SLC22A23: variants seen among roughly 807,000 people sequenced by gnomAD.
The protein encoded by SLC22A23 is solute carrier family 22 member 23.
In SLC22A23, 26 loss-of-function variants were observed where a neutral mutation model predicts 61.0. The observed-to-expected ratio is 0.43, with a 90% confidence interval of 0.31 to 0.59. The LOEUF (loss-of-function observed/expected upper bound fraction) is 0.59. SLC22A23 is among the 20% of genes least tolerant of loss of function. The pLI, the probability that SLC22A23 is intolerant of heterozygous loss-of-function variation, is 0.11. For missense variants in SLC22A23, 796 were observed against 934.7 expected (o/e 0.85, Z 1.94); for synonymous variants, 430 against 413.9 (o/e 1.04, Z -0.47).
At chr6:3,455,581 A>G (rs1025743450) in intron 1 of SLC22A23, among the ~76,000 whole-genome samples, 2 of 152,230 alleles carry the variant, frequency 1.3e-5, no homozygotes, top group Non-Finnish European at 2.9e-5. Context: ...CTCCCCCAGC[A>G]GACCTTGAAC....
At chr6:3,379,842 A>C (rs1047538252) in intron 3 of SLC22A23, among the ~76,000 whole-genome samples, 1 of 152,218 alleles carries the variant, frequency 6.6e-6, no homozygotes, top group Non-Finnish European at 1.5e-5. Context: ...GGGGCTTCAA[A>C]GGGTTCCTGT....
In SLC22A23 at chr6:3,283,947, A is replaced by G; in HGVS notation, c.1608T>C (p.Phe536=). 4 of 1,607,716 alleles carry G rather than the reference A, an allele frequency of 2.5e-6. No individual in the cohort carries two copies. The highest frequency in any genetic ancestry group is 3.4e-6 in the Non-Finnish European group (4 of 1,174,736). The change falls in exon 9 of 10, where the codon TTT becomes TTC. Residue 536 remains phenylalanine (F), a synonymous_variant. Transcript: ENST00000406686. ...SGMSDSVKDK[F]SIAFSIVGMF... ...TGCCCACGATGGAAAACGCGATGGAAAATTTGTCCTTGACGCTGTCACTCA... is the reference window on the plus strand; with the variant it reads ...TGCCCACGATGGAAAACGCGATGGAGAATTTGTCCTTGACGCTGTCACTCA...
chr6:3,346,302 A>G (rs1764434274), intron 3 of SLC22A23, among the ~76,000 whole-genome samples: 1 of 152,060 alleles, frequency 6.6e-6, no homozygotes, highest in Admixed American at 6.6e-5. Context: ...CTGAAGCTGC[A>G]ATCACCCCTG....
intron 1 of SLC22A23, among the ~76,000 whole-genome samples, chr6:3,448,538 A>G (rs553703005): frequency 4.9e-4 from 75 of 151,954 alleles, no homozygotes; most frequent in African/African-American, 1.7e-3. Flanking sequence ...TGTCCCCCAG[A>G]CAGTTAGTGC....
chr6:3,323,007 C>T (rs1351632705), intron 4 of SLC22A23, among the ~76,000 whole-genome samples: 1 of 152,002 alleles, frequency 6.6e-6, no homozygotes, highest in East Asian at 1.9e-4. Flanking sequence ...TCTCTCTATC[C>T]GTGGAGCAGT....
intron 2 of SLC22A23, among the ~76,000 whole-genome samples, chr6:3,412,328 A>G (rs1228798686): frequency 6.6e-6 from 1 of 152,208 alleles, no homozygotes; most frequent in Non-Finnish European, 1.5e-5. Flanking sequence ...TGAATCCAGG[A>G]TCACCACTTC....
At chr6:3,452,613 A>G (rs1330010762) in intron 1 of SLC22A23, among the ~76,000 whole-genome samples, 1 of 19,354 alleles carries the variant, frequency 5.2e-5, no homozygotes, top group Non-Finnish European at 1.2e-4. Flanking sequence ...AAAAAAAAAA[A>G]AAAAAAAAAA....
intron 2 of SLC22A23, among the ~76,000 whole-genome samples, chr6:3,411,899 T>C (rs118046225): frequency 1.9e-3 from 283 of 152,336 alleles, no homozygotes; most frequent in East Asian, 0.017. Context: ...GCTGATTTTG[T>C]CCAAATCTAA....
intron 1 of SLC22A23, among the ~76,000 whole-genome samples, chr6:3,451,337 G>C (rs1772147094): frequency 6.6e-6 from 1 of 152,240 alleles, no homozygotes; most frequent in South Asian, 2.1e-4. Flanking sequence ...GCTGGGATTA[G>C]AGGCGTGCGC....
intron 3 of SLC22A23, among the ~76,000 whole-genome samples, chr6:3,371,426 G>A (rs541802916): frequency 6.6e-6 from 1 of 152,314 alleles, no homozygotes; most frequent in Non-Finnish European, 1.5e-5. Context: ...AAAACATTGA[G>A]CTTTTGATTT....
In SLC22A23 at chr6:3,283,949, A is replaced by G. The variant is rs756072375; in HGVS notation, c.1606T>C (p.Phe536Leu). ...CCCACGATGGAAAACGCGATGGAAA[A>G]TTTGTCCTTGACGCTGTCACTCATC... is the stretch of plus-strand genomic sequence containing the variant. Reference protein sequence around the residue: ...SGMSDSVKDKFSIAFSIVGMF... With the variant: ...SGMSDSVKDKLSIAFSIVGMF... Residue 536 changes from phenylalanine to leucine, a missense_variant, in exon 9 of 10, where the codon TTT (phenylalanine) becomes CTT (leucine). Transcript: ENST00000406686. The G allele has an allele frequency of 1.9e-6, 3 of 1,607,680 alleles. No homozygotes were observed. The highest frequency in any genetic ancestry group is 1.7e-6 in the Non-Finnish European group (2 of 1,174,714).
At chr6:3,450,873 T>G (rs897825608) in intron 1 of SLC22A23, among the ~76,000 whole-genome samples, 2 of 152,256 alleles carry the variant, frequency 1.3e-5, no homozygotes, top group Admixed American at 1.3e-4. Flanking sequence ...AATGATATAA[T>G]TATTTCTAGT....
chr6:3,447,583 C>CT (rs757788904), intron 1 of SLC22A23, among the ~76,000 whole-genome samples: 51,035 of 113,422 alleles, frequency 0.45, 12,838 homozygotes, highest in South Asian at 0.66. Context: ...AAGAAACTTT[C>CT]TTTTTTTTTT....
At chr6:3,389,907 G>A (rs1179138161) in intron 3 of SLC22A23, among the ~76,000 whole-genome samples, 1 of 152,180 alleles carries the variant, frequency 6.6e-6, no homozygotes, top group African/African-American at 2.4e-5. Flanking sequence ...TCAAAGATTC[G>A]CTCTCATTGT....
rs1261943433 is a variant in SLC22A23, at chr6:3,387,203, AGAG to A, written c.913+22982_913+22984del. Among the ~76,000 whole-genome samples, 1 of 152,242 alleles carries A rather than the reference AGAG, an allele frequency of 6.6e-6. No individual in the cohort carries two copies. The highest frequency in any genetic ancestry group is 2.4e-5 in the African/African-American group (1 of 41,470). The stretch of plus-strand genomic sequence containing the variant: ...GGAGAAAGGGAAAACTAGTAACTGC[AGAG>A]GAGAAGCCTGGCAGACCCCATCTCA... On this transcript the variant is annotated intron_variant, in intron 3 of 9. Transcript: ENST00000406686. This position sits in a 1 kb window ranked among gnomAD's most constrained non-coding sequence, Gnocchi z 5.0.
chr6:3,281,654 G>T (rs969618495), intron 9 of SLC22A23, among the ~76,000 whole-genome samples: 1 of 152,146 alleles, frequency 6.6e-6, no homozygotes, highest in Admixed American at 6.5e-5. Context: ...TCTCTGTGAA[G>T]TGGGGGGATG....
At position 3,330,548 on chromosome 6, in the gene SLC22A23, A is replaced by G. The variant is rs1283267983; in HGVS notation, c.914-6546T>C. Among the ~76,000 whole-genome samples the G allele has an allele frequency of 6.6e-6, 1 of 152,216 alleles. No individual in the cohort carries two copies. The highest frequency in any genetic ancestry group is 6.5e-5 in the Admixed American group (1 of 15,290). Reference sequence around the variant, plus strand: ...GGGCCTGGAAGTGAACACACCACTCAATAATTACTGCCACAGGCAAGGACG... The same window carrying G: ...GGGCCTGGAAGTGAACACACCACTCGATAATTACTGCCACAGGCAAGGACG... On this transcript the variant is annotated intron_variant, in intron 3 of 9. Coordinates refer to ENST00000406686, the MANE Select transcript of SLC22A23 (RefSeq NM_015482.2). The surrounding 1 kb of genome is among the most constrained non-coding windows in gnomAD (Gnocchi z 4.7).
At chr6:3,428,272 C>A (rs1437595105) in intron 1 of SLC22A23, among the ~76,000 whole-genome samples, 1 of 152,198 alleles carries the variant, frequency 6.6e-6, no homozygotes. Flanking sequence ...CCCCTCCTCA[C>A]CCTCCAGGCT....
At chr6:3,384,897 C>T (rs1480585822) in intron 3 of SLC22A23, among the ~76,000 whole-genome samples, 1 of 152,132 alleles carries the variant, frequency 6.6e-6, no homozygotes, top group Non-Finnish European at 1.5e-5. Flanking sequence ...TAATACGATC[C>T]CGCCTTAAAA....
Sources: allele counts gnomAD v4.1 joint callset (sites outside exome capture counted in the v4.1 genomes callset), GRCh38; gene constraint gnomAD v4.1.1; non-coding constraint Gnocchi (gnomAD v3.1); transcripts MANE v1.5; gene names NCBI Gene and HGNC (gene_info 2026-07-23, HGNC 2026-07-21).